Variants in ZMYM2 observed in about 807,000 individuals in gnomAD.
The protein encoded by ZMYM2 is zinc finger MYM-type containing 2, also known as zinc finger MYM-type protein 2.
Under a neutral mutation model 162.8 loss-of-function variants are expected in ZMYM2, and 56 were observed. That is an observed-to-expected ratio of 0.34 (90% CI 0.28 to 0.43). The LOEUF (loss-of-function observed/expected upper bound fraction) is 0.43. Among genes scored for constraint, ZMYM2 ranks in the 20% least tolerant of loss-of-function variants. The pLI is 1.00. For synonymous variants in ZMYM2, 510 were observed against 541.6 expected, an observed-to-expected ratio of 0.94 and a Z score of 0.81; for missense variants, 1,275 against 1,621.8, an observed-to-expected ratio of 0.79 and a Z score of 3.67.
chr13:19,905,792 C>T, the ZMYM2 span, among the ~76,000 whole-genome samples: 2 of 152,152 alleles, frequency 1.3e-5, no homozygotes, highest in Non-Finnish European at 2.9e-5. Context: ...GAGTAACAAA[C>T]TATCTTTTTT....
chr13:19,875,203 T>C, the ZMYM2 span, among the ~76,000 whole-genome samples: 1 of 152,100 alleles, frequency 6.6e-6, no homozygotes, highest in Non-Finnish European at 1.5e-5. Context: ...TTGGAGTTCA[T>C]GAGTGTGAGA....
chr13:20,086,626 T>C lies in ZMYM2; in HGVS notation c.*612T>C, dbSNP rs1004105001. 5.1e-6 allele frequency: 1 copy of C among 196,354 alleles called. No individual in the cohort carries two copies. The highest frequency in any genetic ancestry group is 2.3e-5 in the African/African-American group (1 of 43,196). The allele number at this position is 196,354 out of a possible 1,614,324, so 12.2% of individuals were successfully genotyped here. ...GAGAATGCTGTCAATATTGGTGTAC[T>C]GTAATGTGAATCTATGCTGGTGAAA... On this transcript the variant is annotated 3_prime_UTR_variant, in exon 25 of 25. Coordinates refer to ENST00000610343, the MANE Select transcript of ZMYM2 (RefSeq NM_197968.4).
At chr13:19,907,196 T>C in the ZMYM2 span, among the ~76,000 whole-genome samples, 1 of 152,216 alleles carries the variant, frequency 6.6e-6, no homozygotes, top group Admixed American at 6.6e-5. Context: ...ATTACTTTAT[T>C]TTAATTTTGT....
At chr13:19,937,385 G>A in the ZMYM2 span, among the ~76,000 whole-genome samples, 7 of 150,868 alleles carry the variant, frequency 4.6e-5, no homozygotes, top group African/African-American at 9.7e-5. Flanking sequence ...TGATCCGCCC[G>A]CCTCAGCCTC....
chr13:20,014,274 A>G (rs1566298039), intron 6 of ZMYM2, among the ~76,000 whole-genome samples: 1 of 152,068 alleles, frequency 6.6e-6, no homozygotes, highest in African/African-American at 2.4e-5. Context: ...GGGTTTCACC[A>G]TGTTGGCCAG....
the ZMYM2 span, among the ~76,000 whole-genome samples, chr13:19,877,795 G>A: frequency 6.6e-6 from 1 of 152,088 alleles, no homozygotes; most frequent in East Asian, 1.9e-4. Context: ...CACTTCTGCC[G>A]ATGGACACTA....
At chr13:19,948,798 C>G in the ZMYM2 span, among the ~76,000 whole-genome samples, 2 of 152,076 alleles carry the variant, frequency 1.3e-5, no homozygotes, top group African/African-American at 4.8e-5. Flanking sequence ...TGTGTGGGAA[C>G]TCTCTGAATT....
Position 20,028,134 on chromosome 13 carries a change from CTT to C in ZMYM2, c.1851+817_1851+818del, listed in dbSNP as rs1370919595. ...CTTAAGTATAATAGTTACTATATCACTTATTAGTATTTAAATTGAGGTGTTTT... is the reference window on the plus strand; with the variant it reads ...CTTAAGTATAATAGTTACTATATCACATTAGTATTTAAATTGAGGTGTTTT... On this transcript the variant is annotated intron_variant, in intron 9 of 24. Coordinates refer to ENST00000610343, the MANE Select transcript of ZMYM2 (RefSeq NM_197968.4). The C allele has an allele frequency of 3.6e-5, 6 of 166,574 alleles. 1 individual carries two copies. The highest frequency in any genetic ancestry group is 2.6e-4 in the Admixed American group (4 of 15,610). 10.3% of individuals were successfully genotyped at this position (166,574 alleles called of 1,614,324 possible).
In ZMYM2 at chr13:20,015,318, A is replaced by C. The variant is rs1041043902; in HGVS notation, c.1513-4229A>C. Among the ~76,000 whole-genome samples the C allele has an allele frequency of 3.3e-5, 5 of 152,170 alleles. No individual in the cohort carries two copies. The South Asian group carries it at 1.0e-3, about 32-fold the overall frequency. ...TTCTATTCCATTGCTCATTGGAAAG[A>C]TACTCTGTGTGATTTCAGTCTTCAA... is the stretch of plus-strand genomic sequence containing the variant. On this transcript the variant is annotated intron_variant, in intron 6 of 24. Coordinates refer to ENST00000610343, the MANE Select transcript of ZMYM2 (RefSeq NM_197968.4).
the ZMYM2 span, among the ~76,000 whole-genome samples, chr13:19,905,094 C>A: frequency 6.6e-6 from 1 of 151,274 alleles, no homozygotes; most frequent in Non-Finnish European, 1.5e-5. Flanking sequence ...TCACTGCAAC[C>A]TTCGCCTCCC....
chr13:19,960,382 G>A (rs1955070946), intron 2 of ZMYM2, among the ~76,000 whole-genome samples: 1 of 152,204 alleles, frequency 6.6e-6, no homozygotes, highest in Admixed American at 6.5e-5. Flanking sequence ...GTTGAATGCT[G>A]TGCATGCAAC....
At chr13:19,996,705 A>G (rs556080934) in intron 3 of ZMYM2, among the ~76,000 whole-genome samples, 1 of 152,118 alleles carries the variant, frequency 6.6e-6, no homozygotes, top group Non-Finnish European at 1.5e-5. Flanking sequence ...CGACAGACTG[A>G]GACTCTGTCT....
intron 7 of ZMYM2, among the ~76,000 whole-genome samples, chr13:20,023,068 G>A (rs560911916): frequency 9.9e-5 from 15 of 152,058 alleles, no homozygotes; most frequent in Middle Eastern, 3.4e-3. Flanking sequence ...ATATATTAAG[G>A]GATACTAAGA....
upstream of ZMYM2, among the ~76,000 whole-genome samples, chr13:19,957,900 C>T (rs796779100): frequency 6.6e-6 from 1 of 152,236 alleles, no homozygotes; most frequent in Non-Finnish European, 1.5e-5. Context: ...CCTGTGGCCC[C>T]GCGGACGCAG....
At chr13:20,072,089 C>T (rs1345790616) in intron 21 of ZMYM2, 1 of 162,452 alleles carries the variant, frequency 6.2e-6, no homozygotes, top group Non-Finnish European at 1.4e-5. Context: ...TTATGAAATT[C>T]ACTGTTTCCA....
intron 9 of ZMYM2, among the ~76,000 whole-genome samples, chr13:20,030,275 G>A (rs554154834): frequency 6.7e-6 from 1 of 149,934 alleles, no homozygotes; most frequent in Non-Finnish European, 1.5e-5. Flanking sequence ...CTGTCACCCA[G>A]GCTAGAGTGC....
chr13:19,928,494 C>T, the ZMYM2 span, among the ~76,000 whole-genome samples: 1 of 151,976 alleles, frequency 6.6e-6, no homozygotes, highest in African/African-American at 2.4e-5. Context: ...TTCTTTGTGT[C>T]TTGTTTAAAC....
At chr13:19,869,793 A>G in the ZMYM2 span, among the ~76,000 whole-genome samples, 1 of 152,142 alleles carries the variant, frequency 6.6e-6, no homozygotes, top group African/African-American at 2.4e-5. Context: ...GTCTCAAACC[A>G]AAAAAATAAA....
chr13:20,064,819 T>C (rs1956550172), intron 19 of ZMYM2, among the ~76,000 whole-genome samples: 1 of 147,740 alleles, frequency 6.8e-6, no homozygotes, highest in African/African-American at 2.4e-5. Flanking sequence ...TTATTACTGT[T>C]TCTAAGTAAT....
Sources: allele counts gnomAD v4.1 joint callset (sites outside exome capture counted in the v4.1 genomes callset), GRCh38; gene constraint gnomAD v4.1.1; transcripts MANE v1.5; gene names NCBI Gene and HGNC (gene_info 2026-07-23, HGNC 2026-07-21).